EDIL3: variants seen among roughly 807,000 people sequenced by gnomAD.
EDIL3 encodes the protein EGF like and discoidin domains 3.
Under a neutral mutation model 67.4 loss-of-function variants are expected in EDIL3, and 37 were observed. The ratio of observed to expected loss-of-function variants is 0.55; its 90% CI spans 0.42 to 0.72. The LOEUF (loss-of-function observed/expected upper bound fraction) is 0.72. EDIL3 is among the 30% of genes least tolerant of loss of function. The pLI, the probability that EDIL3 is intolerant of heterozygous loss-of-function variation, is 0.00. For synonymous variants in EDIL3, 195 were observed against 196.3 expected (o/e 0.99, Z 0.05); for missense variants, 527 against 586.3 (o/e 0.90, Z 1.04).
In EDIL3 at chr5:84,106,844, C is replaced by A. The variant is rs1228671184; in HGVS notation, c.470-14G>T. 4 of 1,583,682 alleles carry A rather than the reference C, an allele frequency of 2.5e-6. No individual in the cohort carries two copies. The highest frequency in any genetic ancestry group is 3.8e-5 in the Admixed American group (2 of 52,238). ...GGCCTGAGCATTCTGGAAACAAAAA[C>A]AGGAAAAAATATGAATGTATTAGAA... On this transcript the variant is annotated splice_polypyrimidine_tract_variant and intron_variant, in intron 5 of 10. Coordinates refer to ENST00000296591, the MANE Select transcript of EDIL3 (RefSeq NM_005711.5).
intron 9 of EDIL3, among the ~76,000 whole-genome samples, chr5:84,004,444 TA>T (rs796328717): frequency 3.6e-4 from 54 of 151,260 alleles, no homozygotes; most frequent in African/African-American, 1.2e-3. Context: ...CTTAATAAAT[TA>T]AAAAAAAATC....
intron 9 of EDIL3, among the ~76,000 whole-genome samples, chr5:83,973,917 A>T (rs1744834413): frequency 6.6e-6 from 1 of 152,060 alleles, no homozygotes; most frequent in African/African-American, 2.4e-5. Context: ...TTGTAATAGC[A>T]AATCACATTG....
intron 5 of EDIL3, among the ~76,000 whole-genome samples, chr5:84,124,688 C>CAA (rs35142512): frequency 2.0e-5 from 3 of 150,098 alleles, no homozygotes; most frequent in Admixed American, 6.6e-5. Context: ...ACCCAAGGAA[C>CAA]AAAAAAAAAT....
intron 1 of EDIL3, among the ~76,000 whole-genome samples, chr5:84,277,759 C>CA (rs1001208213): frequency 6.6e-6 from 1 of 151,850 alleles, no homozygotes; most frequent in South Asian, 2.1e-4. Context: ...ATATTTTTCT[C>CA]AAAAAATTGA....
At chr5:84,332,335 G>C (rs1006899038) in intron 1 of EDIL3, among the ~76,000 whole-genome samples, 1 of 152,150 alleles carries the variant, frequency 6.6e-6, no homozygotes, top group Non-Finnish European at 1.5e-5. Context: ...TAGTGCCACT[G>C]CACTCCAGCC....
At chr5:84,340,312 T>G (rs1384979933) in intron 1 of EDIL3, among the ~76,000 whole-genome samples, 1 of 151,864 alleles carries the variant, frequency 6.6e-6, no homozygotes, top group Admixed American at 6.6e-5. Context: ...TTATAAGCTC[T>G]GCTACCTTGA....
intron 3 of EDIL3, among the ~76,000 whole-genome samples, chr5:84,198,853 T>C (rs1743773908): frequency 2.0e-5 from 3 of 152,080 alleles, no homozygotes; most frequent in Non-Finnish European, 4.4e-5. Context: ...CCAAAACTTT[T>C]CTGGTTTTAT....
At chr5:84,174,873 C>G (rs1748875115) in intron 4 of EDIL3, among the ~76,000 whole-genome samples, 1 of 152,152 alleles carries the variant, frequency 6.6e-6, no homozygotes, top group Admixed American at 6.5e-5. Flanking sequence ...CAATGCTCCT[C>G]TGCATACCTG....
chr5:84,074,881 T>TATA (rs1479830707), intron 6 of EDIL3, among the ~76,000 whole-genome samples: 5 of 152,180 alleles, frequency 3.3e-5, no homozygotes, highest in African/African-American at 1.2e-4. Context: ...ATCATGCTGC[T>TATA]ATAAAGACAC....
chr5:84,190,713 C>G (rs1294133049), intron 3 of EDIL3, among the ~76,000 whole-genome samples: 1 of 151,768 alleles, frequency 6.6e-6, no homozygotes, highest in East Asian at 1.9e-4. Flanking sequence ...CAATCTTTCT[C>G]TGACAGCGCT....
chr5:84,142,707 C>A (rs1748220661), intron 4 of EDIL3, among the ~76,000 whole-genome samples: 1 of 151,966 alleles, frequency 6.6e-6, no homozygotes, highest in Non-Finnish European at 1.5e-5. Context: ...ATAAATCTAT[C>A]TCCTCTTCAT....
chr5:84,108,419 G>C (rs1304972424), intron 5 of EDIL3, among the ~76,000 whole-genome samples: 1 of 151,938 alleles, frequency 6.6e-6, no homozygotes, highest in Non-Finnish European at 1.5e-5. Flanking sequence ...TAGATAATAA[G>C]ATCTTTTTTT....
chr5:84,057,244 G>A (rs1158522230), intron 9 of EDIL3, among the ~76,000 whole-genome samples: 1 of 152,074 alleles, frequency 6.6e-6, no homozygotes, highest in African/African-American at 2.4e-5. Flanking sequence ...AAATCATCTT[G>A]AACAAAGTGA....
rs540053118 is a variant in EDIL3 at position 84,070,945 on chromosome 5, C to G, written c.652-4339G>C. On this transcript the variant is annotated intron_variant, in intron 6 of 10. Transcript: ENST00000296591. ...GCTTGGGAAGAACTTTCTAAATGTT[C>G]TATTTCTCTTTCTCATTCTCATTTT... 3.9e-5 allele frequency among the ~76,000 whole-genome samples: 6 copies of G among 152,274 alleles called. No homozygotes were observed. In the South Asian group the frequency reaches 1.0e-3, roughly 26 times the overall value.
Position 84,202,505 on chromosome 5 carries a change from A to C in EDIL3, c.227-21984T>G, listed in dbSNP as rs1743865160. On this transcript the variant is annotated intron_variant, in intron 3 of 10. Transcript: ENST00000296591. Reference sequence around the variant, plus strand: ...ACTATAGGATATCAGTGAGGAGTACATAGCAGGGAGTGGACCTGATAATAT... The same window carrying C: ...ACTATAGGATATCAGTGAGGAGTACCTAGCAGGGAGTGGACCTGATAATAT... 2.0e-5 allele frequency among the ~76,000 whole-genome samples: 3 copies of C among 152,240 alleles called. No homozygotes were observed. The South Asian group carries it at 6.2e-4, about 31-fold the overall frequency.
intron 4 of EDIL3, among the ~76,000 whole-genome samples, chr5:84,149,828 C>T (rs942662165): frequency 3.3e-5 from 5 of 151,108 alleles, no homozygotes; most frequent in African/African-American, 1.2e-4. Flanking sequence ...AAAAATATGC[C>T]AGAAAGGAAT....
intron 1 of EDIL3, among the ~76,000 whole-genome samples, chr5:84,268,680 AG>A (rs1203715970): frequency 6.6e-6 from 1 of 152,204 alleles, no homozygotes; most frequent in Non-Finnish European, 1.5e-5. Context: ...TTTTATTGTT[AG>A]AAAAAATAAG....
At chr5:84,021,171 A>C (rs553050907) in intron 9 of EDIL3, among the ~76,000 whole-genome samples, 3 of 151,880 alleles carry the variant, frequency 2.0e-5, no homozygotes, top group Non-Finnish European at 4.4e-5. Flanking sequence ...TTATCTTTTC[A>C]AAAAAATTCT....
At chr5:84,382,793 T>C (rs1407914702) in intron 1 of EDIL3, among the ~76,000 whole-genome samples, 1 of 152,066 alleles carries the variant, frequency 6.6e-6, no homozygotes, top group Admixed American at 6.5e-5. Flanking sequence ...CCTTTGCCTA[T>C]TAACTGGAAG....
Sources: allele counts gnomAD v4.1 joint callset (sites outside exome capture counted in the v4.1 genomes callset), GRCh38; gene constraint gnomAD v4.1.1; transcripts MANE v1.5; gene names NCBI Gene and HGNC (gene_info 2026-07-23, HGNC 2026-07-21).